The following RALGAPA2 variants were observed in gnomAD, a reference collection of about 807,000 sequenced individuals.
RALGAPA2 encodes the protein ral GTPase-activating protein subunit alpha-2.
A neutral mutation model predicts 230.4 loss-of-function variants in RALGAPA2; 139 were observed. That is an observed-to-expected ratio of 0.60 (90% confidence interval 0.53 to 0.69). The LOEUF is 0.69. RALGAPA2 is among the 30% of genes least tolerant of loss of function. The pLI, the probability that RALGAPA2 is intolerant of heterozygous loss-of-function variation, is 0.00. For synonymous variants in RALGAPA2, 847 were observed against 837.8 expected (o/e 1.01, Z -0.19); for missense variants, 2,163 against 2,276.0 (o/e 0.95, Z 1.01).
chr20:20,556,518 A>G (rs1430888142), intron 23 of RALGAPA2, among the ~76,000 whole-genome samples: 2 of 151,366 alleles, frequency 1.3e-5, no homozygotes, highest in Non-Finnish European at 3.0e-5. Context: ...TGACTGTCTT[A>G]GTCATGACAC....
chr20:20,430,535 G>C (rs1453693767), intron 37 of RALGAPA2, among the ~76,000 whole-genome samples: 1 of 152,214 alleles, frequency 6.6e-6, no homozygotes, highest in African/African-American at 2.4e-5. Flanking sequence ...AGTAGTCATT[G>C]TACATGATGG....
chr20:20,436,805 G>C (rs1469794605), intron 37 of RALGAPA2, among the ~76,000 whole-genome samples: 1 of 152,256 alleles, frequency 6.6e-6, no homozygotes, highest in Non-Finnish European at 1.5e-5. Flanking sequence ...GGAAGGGAGG[G>C]AGGCAGGAAA....
chr20:20,693,351 T>C (rs1027522573), intron 1 of RALGAPA2, among the ~76,000 whole-genome samples: 1 of 152,244 alleles, frequency 6.6e-6, no homozygotes, highest in Non-Finnish European at 1.5e-5. Flanking sequence ...GAAACTGATA[T>C]CCAAATCAAA....
chr20:20,515,775 T>C (rs2145393023), intron 31 of RALGAPA2, among the ~76,000 whole-genome samples: 1 of 150,862 alleles, frequency 6.6e-6, no homozygotes, highest in South Asian at 2.1e-4. Context: ...GGGTGAAAGA[T>C]GCTCCTAACT....
intron 37 of RALGAPA2, among the ~76,000 whole-genome samples, chr20:20,456,838 C>CTT (rs369361752): frequency 6.8e-6 from 1 of 146,978 alleles, no homozygotes; most frequent in Admixed American, 6.8e-5. Context: ...TATAAAGTTC[C>CTT]TTTTTTTTTT....
intron 13 of RALGAPA2, among the ~76,000 whole-genome samples, chr20:20,612,140 CAAT>C (rs1227231965): frequency 3.9e-5 from 6 of 152,316 alleles, no homozygotes; most frequent in South Asian, 2.1e-4. Context: ...CTGCTAATTA[CAAT>C]AATAAGTTCT....
At chr20:20,436,286 C>T (rs1489067339) in intron 37 of RALGAPA2, among the ~76,000 whole-genome samples, 1 of 152,196 alleles carries the variant, frequency 6.6e-6, no homozygotes, top group Non-Finnish European at 1.5e-5. Context: ...ATCCTTAGTA[C>T]TTCCATGTTC....
chr20:20,611,268 T>C (rs1555799351), intron 14 of RALGAPA2, 47 bp downstream of exon 14: 1 of 1,546,554 alleles, frequency 6.5e-7, no homozygotes, highest in Admixed American at 1.9e-5. Context: ...TGCTACAAAA[T>C]CTGATTCATT....
At chr20:20,420,966 C>T (rs1348334517) in intron 37 of RALGAPA2, among the ~76,000 whole-genome samples, 1 of 152,154 alleles carries the variant, frequency 6.6e-6, no homozygotes, top group Non-Finnish European at 1.5e-5. Flanking sequence ...GAAAATAACA[C>T]GTTTTCATTT....
At chr20:20,659,384 T>G (rs1481951118) in intron 3 of RALGAPA2, among the ~76,000 whole-genome samples, 4 of 152,226 alleles carry the variant, frequency 2.6e-5, no homozygotes, top group Admixed American at 6.5e-5. Flanking sequence ...ACTTTCTCAT[T>G]AACATTATAA....
intron 36 of RALGAPA2, among the ~76,000 whole-genome samples, chr20:20,477,776 C>G (rs141110698): frequency 0.018 from 2,771 of 152,092 alleles, 99 homozygotes; most frequent in East Asian, 0.14. Flanking sequence ...TTAGTAGAGA[C>G]GGGGTTTCAC....
intron 1 of RALGAPA2, among the ~76,000 whole-genome samples, chr20:20,704,455 A>G (rs1276269279): frequency 6.6e-6 from 1 of 152,194 alleles, no homozygotes; most frequent in South Asian, 2.1e-4. Flanking sequence ...AAGCTAGTTA[A>G]CATGTTACCA....
chr20:20,519,748 T>C (rs2145431270), intron 31 of RALGAPA2, among the ~76,000 whole-genome samples: 1 of 152,322 alleles, frequency 6.6e-6, no homozygotes, highest in South Asian at 2.1e-4. Flanking sequence ...CCTGGTGACA[T>C]TCCCTCACTC....
At chr20:20,455,705 T>C (rs60678545) in intron 37 of RALGAPA2, among the ~76,000 whole-genome samples, 2,421 of 152,138 alleles carry the variant, frequency 0.016, 59 homozygotes, top group African/African-American at 0.056. Flanking sequence ...AAAGACACAA[T>C]CCTTTTCCCC....
chr20:20,529,554 A>G (rs1174945400), intron 27 of RALGAPA2, among the ~76,000 whole-genome samples: 31 of 152,168 alleles, frequency 2.0e-4, no homozygotes, highest in Non-Finnish European at 1.2e-4. Flanking sequence ...TAGTCCCATA[A>G]GCTTATAGTG....
At chr20:20,457,632 C>T (rs1340475512) in intron 37 of RALGAPA2, among the ~76,000 whole-genome samples, 1 of 152,216 alleles carries the variant, frequency 6.6e-6, no homozygotes, top group African/African-American at 2.4e-5. Context: ...CTGGTCAGTG[C>T]CAAACTGGTG....
At chr20:20,565,116 T>C (rs912946508) in intron 23 of RALGAPA2, among the ~76,000 whole-genome samples, 2 of 152,196 alleles carry the variant, frequency 1.3e-5, no homozygotes, top group African/African-American at 4.8e-5. Context: ...CTTGGTAAAA[T>C]CACTTGCTGT....
At chr20:20,588,940 G>A (rs2065208716) in intron 18 of RALGAPA2, among the ~76,000 whole-genome samples, 1 of 151,986 alleles carries the variant, frequency 6.6e-6, no homozygotes, top group Admixed American at 6.5e-5. Flanking sequence ...ATGTCAGGTA[G>A]AGGCTACCTA....
chr20:20,495,101 T>C lies in RALGAPA2; in HGVS notation c.5367+16A>G. On this transcript the variant is annotated intron_variant, in intron 36 of 39. Coordinates refer to ENST00000202677, the MANE Select transcript of RALGAPA2 (RefSeq NM_020343.4). ...AATGCTTTATGAGTCAGTACAACAATGCAATGAAAACGTACCTCAGGTTTC... is the reference window on the plus strand; with the variant it reads ...AATGCTTTATGAGTCAGTACAACAACGCAATGAAAACGTACCTCAGGTTTC... 2 of 1,587,342 alleles carry C rather than the reference T, an allele frequency of 1.3e-6. No individual in the cohort carries two copies. The highest frequency in any genetic ancestry group is 1.7e-6 in the Non-Finnish European group (2 of 1,159,168).
Sources: gnomAD v4.1 joint callset for allele counts (sites outside exome capture counted in the v4.1 genomes callset) on GRCh38, gnomAD v4.1.1 for gene constraint, MANE v1.5 for transcripts, NCBI Gene and HGNC (gene_info 2026-07-23, HGNC 2026-07-21) for gene names.